CNTN5: variants seen among roughly 807,000 people sequenced by gnomAD.
CNTN5 encodes contactin 5.
A neutral mutation model predicts 129.1 loss-of-function variants in CNTN5; 77 were observed. The ratio of observed to expected loss-of-function variants is 0.60; its 90% CI spans 0.50 to 0.72. CNTN5 has a LOEUF of 0.72. Among genes scored for constraint, CNTN5 ranks in the 30% least tolerant of loss-of-function variants. The pLI is 0.00. For synonymous variants in CNTN5, 509 were observed against 465.6 expected (o/e 1.09, Z -1.20); for missense variants, 1,478 against 1,328.8 (o/e 1.11, Z -1.75).
chr11:99,230,637 TTC>T (rs1329711094), intron 1 of CNTN5, among the ~76,000 whole-genome samples: 1 of 152,134 alleles, frequency 6.6e-6, no homozygotes, highest in African/African-American at 2.4e-5. Context: ...TGTAAACATA[TTC>T]TCTTTCTTTT....
intron 3 of CNTN5, among the ~76,000 whole-genome samples, chr11:99,724,461 T>C (rs1943271524): frequency 6.6e-6 from 1 of 152,212 alleles, no homozygotes; most frequent in Admixed American, 6.5e-5. Context: ...TTGACAATTA[T>C]AACAGTCTTG....
intron 3 of CNTN5, among the ~76,000 whole-genome samples, chr11:99,796,096 A>G (rs1466645927): frequency 6.6e-6 from 1 of 152,116 alleles, no homozygotes; most frequent in Admixed American, 6.5e-5. Flanking sequence ...GGGCAGGGCC[A>G]CTGGCATCTG....
At chr11:99,667,263 A>G (rs1952830703) in intron 3 of CNTN5, among the ~76,000 whole-genome samples, 1 of 150,864 alleles carries the variant, frequency 6.6e-6, no homozygotes, top group African/African-American at 2.4e-5. Flanking sequence ...GTAATTGCTT[A>G]CAAGCATTTT....
chr11:100,046,149 AG>A (rs1942660483), intron 9 of CNTN5, among the ~76,000 whole-genome samples: 1 of 63,636 alleles, frequency 1.6e-5, no homozygotes, highest in Admixed American at 1.9e-4. Context: ...GAGTTGGGGG[AG>A]GGGGGAGGGA....
In CNTN5 at chr11:99,374,208, G is replaced by A. The variant is rs193237574; in HGVS notation, c.-71+48724G>A. ...AGGTCCAATTTCAGAGTTGAAAAATGTCTGCTATTTTCAGCACATCTATTT... is the reference window on the plus strand; with the variant it reads ...AGGTCCAATTTCAGAGTTGAAAAATATCTGCTATTTTCAGCACATCTATTT... On this transcript the variant is annotated intron_variant, in intron 2 of 24. Coordinates refer to ENST00000524871, the MANE Select transcript of CNTN5 (RefSeq NM_014361.4). Among the ~76,000 whole-genome samples the A allele has an allele frequency of 2.0e-3, 308 of 152,274 alleles. 4 individuals carry two copies. The highest frequency in any genetic ancestry group is 7.1e-3 in the African/African-American group (297 of 41,564).
intron 3 of CNTN5, among the ~76,000 whole-genome samples, chr11:99,819,097 T>C (rs1946686758): frequency 1.3e-5 from 2 of 151,914 alleles, no homozygotes; most frequent in South Asian, 2.1e-4. Flanking sequence ...TGCATTTTAA[T>C]AATAAGGAAA....
intron 4 of CNTN5, among the ~76,000 whole-genome samples, chr11:99,820,595 G>A (rs933449203): frequency 4.1e-4 from 6 of 14,658 alleles, no homozygotes; most frequent in African/African-American, 9.9e-4. Context: ...CAGGATGAAC[G>A]GCACCTGTTA....
chr11:99,297,274 G>A (rs2135935935), intron 1 of CNTN5, among the ~76,000 whole-genome samples: 1 of 152,276 alleles, frequency 6.6e-6, no homozygotes, highest in Non-Finnish European at 1.5e-5. Context: ...ATCCATTGAA[G>A]CGACACTGAA....
chr11:99,128,521 G>T (rs1027791517), intron 1 of CNTN5, among the ~76,000 whole-genome samples: 1 of 152,316 alleles, frequency 6.6e-6, no homozygotes, highest in African/African-American at 2.4e-5. Context: ...AGGAGGAGCG[G>T]CCAAGGTGTC....
chr11:99,841,912 G>A (rs1015259531), intron 4 of CNTN5, among the ~76,000 whole-genome samples: 1 of 146,236 alleles, frequency 6.8e-6, no homozygotes, highest in Non-Finnish European at 1.5e-5. Flanking sequence ...TTTTTATGGA[G>A]TTTCACTCTT....
intron 3 of CNTN5, among the ~76,000 whole-genome samples, chr11:99,599,345 A>G (rs1278938230): frequency 6.6e-6 from 1 of 152,074 alleles, no homozygotes; most frequent in African/African-American, 2.4e-5. Flanking sequence ...CGATTTTCTG[A>G]GAGATTTTTT....
chr11:100,038,293 A>G (rs2137658182), intron 9 of CNTN5, among the ~76,000 whole-genome samples: 1 of 152,264 alleles, frequency 6.6e-6, no homozygotes, highest in Non-Finnish European at 1.5e-5. Context: ...TGAGTTTCTT[A>G]ATCCTGAGTT....
At chr11:99,906,050 T>G (rs1949495965) in intron 6 of CNTN5, among the ~76,000 whole-genome samples, 1 of 152,166 alleles carries the variant, frequency 6.6e-6, no homozygotes, top group Non-Finnish European at 1.5e-5. Flanking sequence ...GACGATAGGG[T>G]TTGCTATATA....
chr11:99,770,552 A>T (rs1944909003), intron 3 of CNTN5, among the ~76,000 whole-genome samples: 1 of 152,176 alleles, frequency 6.6e-6, no homozygotes, highest in Non-Finnish European at 1.5e-5. Flanking sequence ...ACACTCAATT[A>T]TGTCAATATC....
chr11:99,433,477 T>C (rs1055247246), intron 2 of CNTN5, among the ~76,000 whole-genome samples: 1 of 152,048 alleles, frequency 6.6e-6, no homozygotes, highest in Non-Finnish European at 1.5e-5. Context: ...TATCAGTTAC[T>C]GTAAATCAAA....
At chr11:99,576,522 T>TC (rs1261307842) in intron 3 of CNTN5, among the ~76,000 whole-genome samples, 4 of 152,214 alleles carry the variant, frequency 2.6e-5, no homozygotes, top group Non-Finnish European at 5.9e-5. Flanking sequence ...TAAGGCAATG[T>TC]CCAGGACAGA....
chr11:99,759,585 G>A (rs1944512078), intron 3 of CNTN5, among the ~76,000 whole-genome samples: 1 of 151,838 alleles, frequency 6.6e-6, no homozygotes, highest in African/African-American at 2.4e-5. Context: ...CCAAGGAAAT[G>A]GTTATATTAA....
At chr11:99,265,256 G>T (rs536451214) in intron 1 of CNTN5, among the ~76,000 whole-genome samples, 4 of 152,076 alleles carry the variant, frequency 2.6e-5, no homozygotes, top group Admixed American at 1.3e-4. Context: ...ACAGGAAATA[G>T]TCACACATAT....
intron 9 of CNTN5, among the ~76,000 whole-genome samples, chr11:100,029,017 A>T (rs1941569475): frequency 6.6e-6 from 1 of 152,202 alleles, no homozygotes; most frequent in African/African-American, 2.4e-5. Flanking sequence ...CCCGGAGGCC[A>T]CAAAATTTAA....
Sources: allele counts gnomAD v4.1 joint callset (sites outside exome capture counted in the v4.1 genomes callset), GRCh38; gene constraint gnomAD v4.1.1; transcripts MANE v1.5; gene names NCBI Gene and HGNC (gene_info 2026-07-23, HGNC 2026-07-21).